MID2: variants seen among roughly 807,000 people sequenced by gnomAD.
MID2 encodes the protein midline 2.
A neutral mutation model predicts 46.1 loss-of-function variants in MID2; 13 were observed. The observed-to-expected ratio is 0.28, with a 90% CI of 0.18 to 0.45. The LOEUF is 0.45. Among genes scored for constraint, MID2 ranks in the 20% least tolerant of loss-of-function variants. The probability of loss-of-function intolerance (pLI) is 1.00; values close to 1 mark genes in which losing one functional copy is unlikely to be tolerated. For synonymous variants in MID2, 199 were observed against 212.3 expected, an observed-to-expected ratio of 0.94 and a Z score of 0.55; for missense variants, 431 against 575.4, an observed-to-expected ratio of 0.75 and a Z score of 2.57.
chrX:107,874,123 C>G (rs1360264071), intron 3 of MID2, among the ~76,000 whole-genome samples: 1 of 112,039 alleles, frequency 8.9e-6, no homozygotes, highest in East Asian at 2.8e-4. Flanking sequence ...AGTTTGGGTT[C>G]TCTAAGAGGG....
At chrX:107,864,391 G>A (rs1396199412) in intron 3 of MID2, among the ~76,000 whole-genome samples, 1 of 111,441 alleles carries the variant, frequency 9.0e-6, no homozygotes, top group Non-Finnish European at 1.9e-5. Context: ...GCAGAAGGAA[G>A]CAATAATACC....
chrX:107,897,520 C>T (rs202050111), intron 3 of MID2, among the ~76,000 whole-genome samples: 2 of 112,188 alleles, frequency 1.8e-5, no homozygotes, highest in East Asian at 2.8e-4. Context: ...GTCATACTTA[C>T]GTAAAGCTGG....
Position 107,826,953 on chromosome X carries a change from A to C in MID2, c.4+523A>C, listed in dbSNP as rs182749309. On this transcript the variant is annotated intron_variant, in intron 1 of 9. Transcript: ENST00000262843. ...AAACTTAATCCCTTTTCTGCCAGGG[A>C]GCGATCCTCGAGTCTCCGTCTGGAT... Among the ~76,000 whole-genome samples the C allele has an allele frequency of 9.8e-3, 1,105 of 112,633 alleles. 8 individuals carry two copies. Among genetic ancestry groups the C allele is most frequent in the South Asian group, 0.038 (104 of 2,732 alleles).
chrX:107,848,178 C>T (rs956499076), intron 2 of MID2, among the ~76,000 whole-genome samples: 1 of 110,343 alleles, frequency 9.1e-6, no homozygotes, highest in South Asian at 3.9e-4. Flanking sequence ...GCAGAACACT[C>T]GTGGTCTAGA....
At chrX:107,869,278 T>G (rs1431812314) in intron 3 of MID2, among the ~76,000 whole-genome samples, 1 of 111,661 alleles carries the variant, frequency 9.0e-6, no homozygotes, top group Non-Finnish European at 1.9e-5. Context: ...TTGCCATATA[T>G]TGGATTTCCA....
At chrX:107,891,865 C>T (rs1932613487) in intron 3 of MID2, among the ~76,000 whole-genome samples, 1 of 111,568 alleles carries the variant, frequency 9.0e-6, no homozygotes, top group Admixed American at 9.5e-5. Flanking sequence ...GCTATTTTCA[C>T]TCTTCTACTT....
intron 3 of MID2, among the ~76,000 whole-genome samples, chrX:107,892,229 T>C (rs1288792297): frequency 2.7e-5 from 3 of 111,890 alleles, no homozygotes; most frequent in Non-Finnish European, 5.6e-5. Flanking sequence ...TGCTTTGTTC[T>C]CCTCCCTTTC....
intron 3 of MID2, among the ~76,000 whole-genome samples, chrX:107,891,858 A>G (rs184891922): frequency 2.7e-5 from 3 of 110,952 alleles, no homozygotes; most frequent in East Asian, 5.7e-4. Context: ...TTCTTCAGCT[A>G]TTTTCACTCT....
At position 107,917,541 on chromosome X, in the gene MID2, A is replaced by G. The variant is rs943024939; in HGVS notation, c.1237A>G (p.Thr413Ala). ...ACCATCTATCCGAGAAGAACTCTGT[A>G]CTGCCTCCCATGACACCATTACAGT... The part of the protein sequence containing the change: ...NPPSIREELC[T>A]ASHDTITVHW... The change falls in exon 7 of 10, where the codon ACT becomes GCT. Residue 413 changes from threonine to alanine, a missense_variant. Thr to Ala is a moderately conservative substitution (Grantham distance 58, BLOSUM62 0). Transcript: ENST00000262843. 2 of 1,208,995 alleles carry G rather than the reference A, an allele frequency of 1.7e-6. No individual in the cohort carries two copies. Among genetic ancestry groups the G allele is most frequent in the Admixed American group, 2.2e-5 (1 of 45,640 alleles).
In MID2 at chrX:107,927,967, A is replaced by T. The variant is rs1273902507; in HGVS notation, c.*894A>T. On this transcript the variant is annotated 3_prime_UTR_variant, in exon 10 of 10. Transcript: ENST00000262843. ...ATTGCACAAGAGATGCTGTTGCTGGATAGAAAATTGATCAGGTAGAAGTGA... is the reference window on the plus strand; with the variant it reads ...ATTGCACAAGAGATGCTGTTGCTGGTTAGAAAATTGATCAGGTAGAAGTGA... 1.8e-5 allele frequency among the ~76,000 whole-genome samples: 2 copies of T among 111,570 alleles called. No individual in the cohort carries two copies. The highest frequency in any genetic ancestry group is 6.5e-5 in the African/African-American group (2 of 30,639).
At chrX:107,867,126 G>A (rs1015770458) in intron 3 of MID2, among the ~76,000 whole-genome samples, 5 of 111,598 alleles carry the variant, frequency 4.5e-5, no homozygotes, top group African/African-American at 1.6e-4. Context: ...TTTTAAGCAC[G>A]GGTGTAGTGT....
In MID2 at chrX:107,905,595, T is replaced by C; in HGVS notation, c.1042T>C (p.Phe348Leu). 1 of 1,204,163 alleles carries C rather than the reference T, an allele frequency of 8.3e-7. No homozygotes were observed. Among genetic ancestry groups the C allele is most frequent in the Non-Finnish European group, 1.1e-6 (1 of 892,388 alleles). The change falls in exon 5 of 10, where the codon TTT (phenylalanine) becomes CTT (leucine). Residue 348 changes from phenylalanine (F) to leucine (L), a missense_variant. Physicochemically the swap from Phe to Leu is conservative, Grantham distance 22. Transcript: ENST00000262843. Reference sequence around the variant, plus strand: ...CCTGAAAGAAAATGACCAGGCACGGTTTCTACAGTCTGCAAAAAATATTGC... The same window carrying C: ...CCTGAAAGAAAATGACCAGGCACGGCTTCTACAGTCTGCAAAAAATATTGC... ...HILKENDQAR[F>L]LQSAKNIAER...
intron 2 of MID2, among the ~76,000 whole-genome samples, chrX:107,844,638 CAATATTATAA>C (rs1931420764): frequency 2.7e-5 from 3 of 111,160 alleles, no homozygotes; most frequent in African/African-American, 9.8e-5. Flanking sequence ...GACTTCAACT[CAATATTATAA>C]GTCCCATACA....
At position 107,841,186 on chromosome X, in the gene MID2, A is replaced by C; in HGVS notation, c.521A>C (p.Lys174Thr). The C allele has an allele frequency of 8.3e-7, 1 of 1,211,253 alleles. No homozygotes were observed. Among genetic ancestry groups the C allele is most frequent in the Non-Finnish European group, 1.1e-6 (1 of 895,333 alleles). The stretch of plus-strand genomic sequence containing the variant: ...CTGCGGGCCACGCACCCCAACAAGA[A>C]ACCTTTCACCAGCCACCGCCTGGTG... Reference protein sequence around the residue: ...RCLRATHPNKKPFTSHRLVEP... With the variant: ...RCLRATHPNKTPFTSHRLVEP... Residue 174 changes from lysine (K) to threonine (T), a missense_variant, in exon 2 of 10, where the codon AAA becomes ACA. By Grantham distance (78) the Lys-to-Thr change is moderately conservative. Transcript: ENST00000262843.
chrX:107,859,243 T>C (rs906041137), intron 3 of MID2, among the ~76,000 whole-genome samples: 1 of 112,133 alleles, frequency 8.9e-6, no homozygotes. Flanking sequence ...CTATGGATGA[T>C]TTCAGCAGAT....
At chrX:107,877,662 C>T (rs1039425910) in intron 3 of MID2, among the ~76,000 whole-genome samples, 4 of 111,815 alleles carry the variant, frequency 3.6e-5, no homozygotes, top group Admixed American at 1.9e-4. Context: ...CCTTTACTGC[C>T]GGCAACCTTT....
chrX:107,889,606 C>A (rs144425647), intron 3 of MID2, among the ~76,000 whole-genome samples: 4,772 of 110,649 alleles, frequency 0.043, 116 homozygotes, highest in Middle Eastern at 0.19. Flanking sequence ...CTTGGAGTTG[C>A]TCTTCTCGAG....
chrX:107,911,010 C>T (rs928213440), intron 5 of MID2, among the ~76,000 whole-genome samples: 1 of 103,813 alleles, frequency 9.6e-6, no homozygotes, highest in Non-Finnish European at 2.0e-5. Context: ...CACGCCATTA[C>T]GCCCGGCTAA....
intron 3 of MID2, chrX:107,896,262 G>A (rs1024258706): frequency 8.9e-6 from 1 of 111,759 alleles, no homozygotes. Flanking sequence ...GGGTTTGGGG[G>A]CTGAGGCTGG....
Sources: gnomAD v4.1 joint callset for allele counts (sites outside exome capture counted in the v4.1 genomes callset) on GRCh38, gnomAD v4.1.1 for gene constraint, MANE v1.5 for transcripts, NCBI Gene and HGNC (gene_info 2026-07-23, HGNC 2026-07-21) for gene names.